The following ASTN2 variants were observed in gnomAD, a reference collection of about 807,000 sequenced individuals.
ASTN2 encodes the protein astrotactin-2.
ASTN2 carries 54 observed loss-of-function variants against 139.8 expected under a neutral mutation model. The observed-to-expected ratio is 0.39, with a 90% CI of 0.31 to 0.48. The LOEUF is 0.48. Ranked by LOEUF, ASTN2 falls within the 20% of genes least tolerant of loss-of-function variation. The probability of loss-of-function intolerance (pLI) is 0.95; values close to 1 mark genes in which losing one functional copy is unlikely to be tolerated. For synonymous variants in ASTN2, 756 were observed against 719.5 expected (o/e 1.05, Z -0.81); for missense variants, 1,565 against 1,725.1 (o/e 0.91, Z 1.64).
chr9:117,057,610 G>T (rs10121734), intron 5 of ASTN2, among the ~76,000 whole-genome samples: 1 of 152,058 alleles, frequency 6.6e-6, no homozygotes, highest in Non-Finnish European at 1.5e-5. Flanking sequence ...AAGTGTATAA[G>T]AATTGAGATC....
At chr9:116,830,383 G>A (rs1831770837) in intron 11 of ASTN2, among the ~76,000 whole-genome samples, 1 of 149,414 alleles carries the variant, frequency 6.7e-6, no homozygotes. Flanking sequence ...GAATGTAAAT[G>A]AGCACAACCT....
At chr9:116,979,188 A>G (rs1230878940) in intron 7 of ASTN2, among the ~76,000 whole-genome samples, 1 of 152,220 alleles carries the variant, frequency 6.6e-6, no homozygotes. Flanking sequence ...CGCTGCCTGA[A>G]CAAAAATGGT....
At chr9:116,816,725 G>A (rs551109355) in intron 12 of ASTN2, among the ~76,000 whole-genome samples, 5 of 152,084 alleles carry the variant, frequency 3.3e-5, no homozygotes, top group African/African-American at 1.2e-4. Flanking sequence ...GGAGAGCCAT[G>A]GGGCCTGTGC....
intron 1 of ASTN2, among the ~76,000 whole-genome samples, chr9:117,413,507 G>A (rs1210537948): frequency 6.6e-6 from 1 of 152,206 alleles, no homozygotes; most frequent in African/African-American, 2.4e-5. Context: ...GCGCGGGAGA[G>A]CTAAGGGGAA....
intron 13 of ASTN2, among the ~76,000 whole-genome samples, chr9:116,802,139 A>C (rs1219201739): frequency 7.3e-6 from 1 of 137,446 alleles, no homozygotes; most frequent in Non-Finnish European, 1.5e-5. Flanking sequence ...CCCAGGCTGG[A>C]GTGCAGTACC....
intron 13 of ASTN2, among the ~76,000 whole-genome samples, chr9:116,773,539 GC>G (rs1393468804): frequency 1.3e-5 from 2 of 152,112 alleles, no homozygotes; most frequent in African/African-American, 4.8e-5. Flanking sequence ...ACAAAGATGG[GC>G]TTTAAAAAGT....
intron 10 of ASTN2, among the ~76,000 whole-genome samples, chr9:116,974,468 G>A (rs560368796): frequency 1.3e-5 from 2 of 151,024 alleles, no homozygotes; most frequent in Admixed American, 6.6e-5. Flanking sequence ...TGTAGTCTCC[G>A]TGGTTTTATA....
chr9:117,143,695 C>T (rs574892235), intron 3 of ASTN2, among the ~76,000 whole-genome samples: 1 of 152,100 alleles, frequency 6.6e-6, no homozygotes, highest in African/African-American at 2.4e-5. Flanking sequence ...GGCTGAAAGT[C>T]CAACATCAGG....
intron 19 of ASTN2, among the ~76,000 whole-genome samples, chr9:116,571,156 T>G (rs1433149591): frequency 1.3e-5 from 2 of 152,278 alleles, no homozygotes; most frequent in East Asian, 3.9e-4. Flanking sequence ...CAGATGAGAC[T>G]GAGGCACAAT....
At chr9:116,621,399 T>C (rs1856139220) in intron 17 of ASTN2, among the ~76,000 whole-genome samples, 1 of 146,018 alleles carries the variant, frequency 6.8e-6, no homozygotes, top group Admixed American at 7.0e-5. Flanking sequence ...TGCTTCATAG[T>C]CTTTTTAAAA....
At chr9:116,598,607 T>A (rs1290659574) in intron 19 of ASTN2, among the ~76,000 whole-genome samples, 1 of 152,220 alleles carries the variant, frequency 6.6e-6, no homozygotes, top group Non-Finnish European at 1.5e-5. Flanking sequence ...TACTTCTGAG[T>A]CTCAGTTTTT....
At chr9:116,768,140 C>T (rs144787639) in intron 13 of ASTN2, among the ~76,000 whole-genome samples, 50 of 152,324 alleles carry the variant, frequency 3.3e-4, no homozygotes, top group African/African-American at 1.1e-3. Context: ...ATCCAATGCT[C>T]TCTCTCCACT....
rs369106568 is a variant in ASTN2 at position 116,800,794 on chromosome 9, C to T, written c.2396+4838G>A. On this transcript the variant is annotated intron_variant, in intron 13 of 22. Coordinates refer to ENST00000313400, the MANE Select transcript of ASTN2 (RefSeq NM_001365068.1). ...TATATTATTTCCTGAGCTTCCGTTT[C>T]TCCATCTGTACAAGTAAGGTCTGAA... Among the ~76,000 whole-genome samples the T allele has an allele frequency of 2.2e-4, 34 of 152,336 alleles. No individual in the cohort carries two copies. The East Asian group carries it at 3.1e-3, about 14-fold the overall frequency.
In ASTN2 at chr9:117,214,474, T is replaced by C; in HGVS notation, c.899A>G (p.Glu300Gly). Residue 300 changes from glutamate (E) to glycine (G), a missense_variant, in exon 3 of 23, where the codon GAG becomes GGG. Physicochemically the swap from Glu to Gly is moderately conservative, Grantham distance 98. Transcript: ENST00000313400. ...LDDYDCEEDE[E>G]PPRRANHVSR... ...GACATGGTTGGCCCGCCTAGGTGGCTCCTCATCCTCCTCACAGTCATAGTC... is the reference window on the plus strand; with the variant it reads ...GACATGGTTGGCCCGCCTAGGTGGCCCCTCATCCTCCTCACAGTCATAGTC... 1 of 1,614,190 alleles carries C rather than the reference T, an allele frequency of 6.2e-7. No homozygotes were observed. Among genetic ancestry groups the C allele is most frequent in the Non-Finnish European group, 8.5e-7 (1 of 1,180,026 alleles).
chr9:116,579,243 T>C (rs140846883), intron 19 of ASTN2, among the ~76,000 whole-genome samples: 98 of 152,290 alleles, frequency 6.4e-4, no homozygotes, highest in African/African-American at 2.3e-3. Flanking sequence ...GTCATCCAGA[T>C]GAAAATGCAG....
chr9:117,163,822 A>G (rs958383519), intron 3 of ASTN2, among the ~76,000 whole-genome samples: 2 of 152,064 alleles, frequency 1.3e-5, no homozygotes, highest in Admixed American at 6.6e-5. Context: ...ATTTTATTGT[A>G]GACTTCCACT....
chr9:117,190,972 A>G lies in ASTN2; in HGVS notation c.1015+23386T>C, dbSNP rs529124338. On this transcript the variant is annotated intron_variant, in intron 3 of 22. Transcript: ENST00000313400. ...TCTTCAGTGCCTTAAATAGTTCCTG[A>G]CACACAGTAGGTACTTAATTAAAGC... is the stretch of plus-strand genomic sequence containing the variant. Among the ~76,000 whole-genome samples, 3 of 152,298 alleles carry G rather than the reference A, an allele frequency of 2.0e-5. No individual in the cohort carries two copies. The South Asian group carries it at 6.2e-4, about 32-fold the overall frequency.
rs566418597 is a variant in ASTN2 at position 116,477,250 on chromosome 9, G to T, written c.3497+10109C>A. Among the ~76,000 whole-genome samples, 9 of 152,226 alleles carry T rather than the reference G, an allele frequency of 5.9e-5. No individual in the cohort carries two copies. In the East Asian group the frequency reaches 1.7e-3, roughly 29 times the overall value. On this transcript the variant is annotated intron_variant, in intron 20 of 22. Transcript: ENST00000313400. Reference sequence around the variant, plus strand: ...GAGTCTCTCTTGGCTTGGGATGCACGGCTGTATTTGCTTCTGGCTTGAGGA... The same window carrying T: ...GAGTCTCTCTTGGCTTGGGATGCACTGCTGTATTTGCTTCTGGCTTGAGGA...
chr9:116,614,646 G>A (rs1855743278), intron 19 of ASTN2, among the ~76,000 whole-genome samples: 1 of 152,110 alleles, frequency 6.6e-6, no homozygotes, highest in Admixed American at 6.5e-5. Context: ...TTAATAAATG[G>A]TGCTGGGAAA....
Sources: gnomAD v4.1 joint callset for allele counts (sites outside exome capture counted in the v4.1 genomes callset) on GRCh38, gnomAD v4.1.1 for gene constraint, MANE v1.5 for transcripts, NCBI Gene and HGNC (gene_info 2026-07-23, HGNC 2026-07-21) for gene names.